The following CCDC91 variants were observed in gnomAD, a reference collection of about 807,000 sequenced individuals.
CCDC91 encodes the protein coiled-coil domain containing 91, also known as coiled-coil domain-containing protein 91.
A neutral mutation model predicts 63.2 loss-of-function variants in CCDC91; 48 were observed. That is an observed-to-expected ratio of 0.76 (90% CI 0.60 to 0.97). CCDC91 has a LOEUF of 0.97. Ranked by LOEUF, CCDC91 falls within the 50% of genes least tolerant of loss-of-function variation. The pLI is 0.00. For synonymous variants in CCDC91, 167 were observed against 165.8 expected (o/e 1.01, Z -0.06); for missense variants, 500 against 494.6 (o/e 1.01, Z -0.10).
At chr12:28,281,114 G>T (rs1948585701) in intron 3 of CCDC91, among the ~76,000 whole-genome samples, 1 of 151,982 alleles carries the variant, frequency 6.6e-6, no homozygotes, top group Non-Finnish European at 1.5e-5. Context: ...ATTGATATTT[G>T]GCAGTAGTCT....
intron 1 of CCDC91, among the ~76,000 whole-genome samples, chr12:28,235,071 A>G (rs1944849873): frequency 6.6e-6 from 1 of 152,138 alleles, no homozygotes; most frequent in Non-Finnish European, 1.5e-5. Context: ...TCTTTACAGC[A>G]TGGTAGTCTC....
At chr12:28,275,712 A>G (rs1238537702) in intron 3 of CCDC91, among the ~76,000 whole-genome samples, 1 of 152,202 alleles carries the variant, frequency 6.6e-6, no homozygotes, top group African/African-American at 2.4e-5. Flanking sequence ...CACCGATGCA[A>G]AAATCCTCAA....
chr12:28,304,572 GATGT>G, intron 3 of CCDC91: 1 of 605,832 alleles, frequency 1.7e-6, no homozygotes. Flanking sequence ...ATCACAAATT[GATGT>G]ATTTGTTATT....
chr12:28,298,413 T>C (rs937206859), intron 3 of CCDC91, among the ~76,000 whole-genome samples: 1 of 151,078 alleles, frequency 6.6e-6, no homozygotes, highest in African/African-American at 2.4e-5. Context: ...TATTAGTCTT[T>C]ACTTTGAAGC....
chr12:28,464,087 C>G (rs1304725689), intron 11 of CCDC91, among the ~76,000 whole-genome samples: 1 of 152,048 alleles, frequency 6.6e-6, no homozygotes, highest in East Asian at 1.9e-4. Context: ...CTTGTTATAC[C>G]AGAAAGCAAA....
At chr12:28,526,395 T>G (rs1565524489) in intron 12 of CCDC91, among the ~76,000 whole-genome samples, 3 of 152,152 alleles carry the variant, frequency 2.0e-5, no homozygotes, top group Admixed American at 1.3e-4. Context: ...AATTCTTGGC[T>G]GATAATTGTT....
At chr12:28,373,968 G>A (rs1944786126) in intron 7 of CCDC91, among the ~76,000 whole-genome samples, 1 of 152,156 alleles carries the variant, frequency 6.6e-6, no homozygotes, top group South Asian at 2.1e-4. Flanking sequence ...ATGATTGTAA[G>A]TTTCCTGAGG....
intron 6 of CCDC91, among the ~76,000 whole-genome samples, chr12:28,338,936 G>A (rs939032564): frequency 2.0e-5 from 3 of 152,076 alleles, no homozygotes; most frequent in Non-Finnish European, 4.4e-5. Context: ...CGCCTCTTAG[G>A]TTCAAGCAAT....
intron 8 of CCDC91, among the ~76,000 whole-genome samples, chr12:28,393,673 G>A (rs976669059): frequency 1.3e-5 from 2 of 152,206 alleles, no homozygotes; most frequent in African/African-American, 4.8e-5. Flanking sequence ...GCCAAATGTA[G>A]TTGGTATTTG....
intron 8 of CCDC91, among the ~76,000 whole-genome samples, chr12:28,396,249 TAA>T (rs1207896876): frequency 6.6e-6 from 1 of 152,130 alleles, no homozygotes; most frequent in African/African-American, 2.4e-5. Flanking sequence ...TGAGAAAATA[TAA>T]GTGTTAAGGG....
chr12:28,218,424 T>C (rs1943707229), intron 1 of CCDC91, among the ~76,000 whole-genome samples: 2 of 151,374 alleles, frequency 1.3e-5, no homozygotes, highest in African/African-American at 4.9e-5. Context: ...GTATAAACAA[T>C]TAAAATCACC....
At chr12:28,497,963 C>T (rs1952399492) in intron 12 of CCDC91, among the ~76,000 whole-genome samples, 1 of 151,508 alleles carries the variant, frequency 6.6e-6, no homozygotes, top group African/African-American at 2.4e-5. Flanking sequence ...CCTTATGTAT[C>T]ATGTGTTGAA....
chr12:28,257,377 A>C, intron 2 of CCDC91, 132 bp downstream of exon 2: 1 of 615,390 alleles, frequency 1.6e-6, no homozygotes, highest in Non-Finnish European at 2.9e-6. Flanking sequence ...ATTCTGGAGT[A>C]AAAAGATGAA....
At chr12:28,464,513 G>A (rs1185006046) in intron 11 of CCDC91, among the ~76,000 whole-genome samples, 2 of 152,168 alleles carry the variant, frequency 1.3e-5, no homozygotes, top group Non-Finnish European at 2.9e-5. Flanking sequence ...GCCACAGCAG[G>A]ATAGAGCATT....
At chr12:28,431,312 A>C (rs1948612921) in intron 8 of CCDC91, among the ~76,000 whole-genome samples, 1 of 152,120 alleles carries the variant, frequency 6.6e-6, no homozygotes, top group East Asian at 1.9e-4. Flanking sequence ...TTGATTATTG[A>C]GAGAAGCATG....
chr12:28,477,546 A>C (rs1381617867), intron 11 of CCDC91, among the ~76,000 whole-genome samples: 1 of 152,176 alleles, frequency 6.6e-6, no homozygotes, highest in Admixed American at 6.6e-5. Flanking sequence ...ATTCCATTTG[A>C]AAACTGGCAC....
chr12:28,202,627 C>A (rs1039796853), intron 1 of CCDC91, among the ~76,000 whole-genome samples: 1 of 152,194 alleles, frequency 6.6e-6, no homozygotes, highest in African/African-American at 2.4e-5. Flanking sequence ...GGCATGCCTT[C>A]AATGCTTAGA....
intron 12 of CCDC91, among the ~76,000 whole-genome samples, chr12:28,498,726 G>T (rs1952451225): frequency 6.6e-6 from 1 of 151,444 alleles, no homozygotes; most frequent in Admixed American, 6.6e-5. Context: ...AAAACTCTTT[G>T]AAATTATGTT....
intron 7 of CCDC91, 92 bp from the exon 8 acceptor site, chr12:28,391,212 A>C: frequency 1.5e-6 from 1 of 672,136 alleles, no homozygotes; most frequent in East Asian, 2.7e-5. Flanking sequence ...ATATCGTATT[A>C]CAGTATGTAC....
Sources: gnomAD v4.1 joint callset for allele counts (sites outside exome capture counted in the v4.1 genomes callset) on GRCh38, gnomAD v4.1.1 for gene constraint, MANE v1.5 for transcripts, NCBI Gene and HGNC (gene_info 2026-07-23, HGNC 2026-07-21) for gene names.